The following FAM20A variants were observed in gnomAD, a reference collection of about 807,000 sequenced individuals.
FAM20A encodes the protein pseudokinase FAM20A.
In FAM20A, 42 loss-of-function variants were observed where a neutral mutation model predicts 52.0. That is an observed-to-expected ratio of 0.81 (90% CI 0.63 to 1.04). The LOEUF (loss-of-function observed/expected upper bound fraction) is 1.04. FAM20A is among the 50% of genes least tolerant of loss of function. FAM20A has a pLI of 0.00. For synonymous variants in FAM20A, 304 were observed against 298.9 expected (o/e 1.02, Z -0.18); for missense variants, 742 against 712.7 (o/e 1.04, Z -0.47).
At position 68,535,254 on chromosome 17, in the gene FAM20A, G is replaced by C. The variant is rs1365196751; in HGVS notation, c.*2223C>G. The C allele has an allele frequency of 2.2e-6, 1 of 452,884 alleles. No homozygotes were observed. Among genetic ancestry groups the C allele is most frequent in the Non-Finnish European group, 4.4e-6 (1 of 225,980 alleles). The allele number at this position is 452,884 out of a possible 1,614,324, so 28.1% of individuals were successfully genotyped here. On this transcript the variant is annotated 3_prime_UTR_variant, in exon 11 of 11. Transcript: ENST00000592554. ...TCTTAATTTTGTTACTAATCAAAAA[G>C]TAATGGAAGGTTGAAAGATAAGTGA...
chr17:68,564,050 C>T (rs1393083568), intron 1 of FAM20A, among the ~76,000 whole-genome samples: 1 of 152,166 alleles, frequency 6.6e-6, no homozygotes, highest in Non-Finnish European at 1.5e-5. Context: ...GATGCAGAGT[C>T]TGTGTCACAA....
chr17:68,600,855 G>A lies in FAM20A; in HGVS notation c.-189C>T, dbSNP rs2088605912. 3.4e-6 allele frequency: 2 copies of A among 586,512 alleles called. No individual in the cohort carries two copies. Among genetic ancestry groups the A allele is most frequent in the African/African-American group, 2.0e-5 (1 of 50,194 alleles). 36.3% of individuals were successfully genotyped at this position (586,512 alleles called of 1,614,324 possible). Reference sequence around the variant, plus strand: ...TCGCTCCTCAACTTGGGGACCAGGTGCACGGAGCACCGGGGCTCTCGGAGT... The same window carrying A: ...TCGCTCCTCAACTTGGGGACCAGGTACACGGAGCACCGGGGCTCTCGGAGT... On this transcript the variant is annotated 5_prime_UTR_variant, in exon 1 of 11. Coordinates refer to ENST00000592554, the MANE Select transcript of FAM20A (RefSeq NM_017565.4). This position sits in a 1 kb window ranked among gnomAD's most constrained non-coding sequence, Gnocchi z 6.2.
intron 1 of FAM20A, chr17:68,582,273 C>T (rs914790630): frequency 2.0e-5 from 3 of 152,218 alleles, no homozygotes; most frequent in African/African-American, 7.2e-5. Context: ...GGCAGAGTTT[C>T]CAAAATAAGT....
chr17:68,569,748 A>C (rs549277295), intron 1 of FAM20A, among the ~76,000 whole-genome samples: 1 of 152,232 alleles, frequency 6.6e-6, no homozygotes, highest in Non-Finnish European at 1.5e-5. Flanking sequence ...CCCAGCTACA[A>C]AGGCAATGAT....
chr17:68,542,138 C>T lies in FAM20A; in HGVS notation c.956G>A (p.Cys319Tyr). 1.2e-6 allele frequency: 2 copies of T among 1,614,034 alleles called. No homozygotes were observed. The highest frequency in any genetic ancestry group is 1.7e-6 in the Non-Finnish European group (2 of 1,180,024). The change falls in exon 7 of 11, where the codon TGT becomes TAT. Residue 319 changes from cysteine (C) to tyrosine (Y), a missense_variant. Transcript: ENST00000592554. ...ATACTCCGTCTTGCACATGTATGGA[C>T]ACTTGGCGAAGAAGCACACGTTGCT... The part of the protein sequence containing the change: ...PASNVCFFAK[C>Y]PYMCKTEYAV...
intron 5 of FAM20A, 107 bp downstream of exon 5, chr17:68,543,522 A>G (rs1272270017): frequency 2.1e-6 from 2 of 963,780 alleles, no homozygotes; most frequent in Non-Finnish European, 3.3e-6. Context: ...ATAGAAAGCC[A>G]GAAGGAAGAA....
In FAM20A at chr17:68,593,580, A is replaced by G. The variant is rs78357925; in HGVS notation, c.404+6683T>C. Among the ~76,000 whole-genome samples, 9 of 152,356 alleles carry G rather than the reference A, an allele frequency of 5.9e-5. No homozygotes were observed. In the East Asian group the frequency reaches 1.7e-3, roughly 29 times the overall value. On this transcript the variant is annotated intron_variant, in intron 1 of 10. Coordinates refer to ENST00000592554, the MANE Select transcript of FAM20A (RefSeq NM_017565.4). ...GCTCTAGACTTCTACAGGGAGGAGTAGACAAGTGGGATGATTTTACAGTTG... is the reference window on the plus strand; with the variant it reads ...GCTCTAGACTTCTACAGGGAGGAGTGGACAAGTGGGATGATTTTACAGTTG...
At chr17:68,575,155 C>T (rs1422411406) in intron 1 of FAM20A, 6 of 151,896 alleles carry the variant, frequency 4.0e-5, no homozygotes, top group African/African-American at 7.3e-5. Flanking sequence ...TTGCATACAT[C>T]TTGAGCTTGG....
chr17:68,544,865 C>T (rs1457952549), intron 4 of FAM20A, among the ~76,000 whole-genome samples: 1 of 152,170 alleles, frequency 6.6e-6, no homozygotes, highest in Non-Finnish European at 1.5e-5. Context: ...TCTTCTAAAA[C>T]ATTTTCTCAT....
intron 1 of FAM20A, among the ~76,000 whole-genome samples, chr17:68,575,372 C>G (rs1328436083): frequency 7.6e-6 from 1 of 131,860 alleles, no homozygotes; most frequent in African/African-American, 2.7e-5. Context: ...CACAGGTTCA[C>G]TTTACTTTAC....
intron 4 of FAM20A, among the ~76,000 whole-genome samples, chr17:68,550,444 G>A (rs887845313): frequency 3.6e-5 from 5 of 139,538 alleles, no homozygotes; most frequent in African/African-American, 5.3e-5. Context: ...GCAGTGGTGC[G>A]ATCTCAGCTC....
At chr17:68,580,448 T>C (rs2087910920) in intron 1 of FAM20A, among the ~76,000 whole-genome samples, 1 of 152,254 alleles carries the variant, frequency 6.6e-6, no homozygotes, top group Non-Finnish European at 1.5e-5. Flanking sequence ...GCTGGTTTTA[T>C]GCTATGTTGC....
At position 68,535,568 on chromosome 17, in the gene FAM20A, C is replaced by T. The variant is rs2086075071; in HGVS notation, c.*1909G>A. 2.2e-6 allele frequency: 1 copy of T among 453,806 alleles called. No individual in the cohort carries two copies. The highest frequency in any genetic ancestry group is 2.4e-5 in the Admixed American group (1 of 42,548). 28.1% of individuals were successfully genotyped at this position (453,806 alleles called of 1,614,324 possible). A position where few individuals can be genotyped will look rare whatever the true frequency, so the allele number is the denominator to read the frequency against. ...AAGAAACATCTTGAAGCAGGAGAGA[C>T]AGTGAATGAAGTGGGGAGCCCTATG... On this transcript the variant is annotated 3_prime_UTR_variant, in exon 11 of 11. Coordinates refer to ENST00000592554, the MANE Select transcript of FAM20A (RefSeq NM_017565.4).
At position 68,564,377 on chromosome 17, in the gene FAM20A, A is replaced by G. The variant is rs115257700; in HGVS notation, c.405-8634T>C. 5.0e-3 allele frequency among the ~76,000 whole-genome samples: 766 copies of G among 152,338 alleles called. 8 individuals are homozygous for G. Among genetic ancestry groups the G allele is most frequent in the African/African-American group, 0.017 (724 of 41,562 alleles). ...TTTTTAATCATGATTTTTACCACTT[A>G]TAAAGATGAGAGACCAGGTGGATGA... On this transcript the variant is annotated intron_variant, in intron 1 of 10. Coordinates refer to ENST00000592554, the MANE Select transcript of FAM20A (RefSeq NM_017565.4).
At chr17:68,597,507 C>T (rs775885689) in intron 1 of FAM20A, among the ~76,000 whole-genome samples, 11 of 152,062 alleles carry the variant, frequency 7.2e-5, no homozygotes, top group Admixed American at 3.3e-4. Flanking sequence ...GCCGCAGCCT[C>T]CTGAGTAGCT....
At chr17:68,549,371 A>G (rs1026163894) in intron 4 of FAM20A, among the ~76,000 whole-genome samples, 2 of 152,018 alleles carry the variant, frequency 1.3e-5, no homozygotes, top group African/African-American at 2.4e-5. Flanking sequence ...GTACACATCT[A>G]TAATCCCAGC....
At chr17:68,579,482 G>A (rs760465494) in intron 1 of FAM20A, among the ~76,000 whole-genome samples, 1 of 152,116 alleles carries the variant, frequency 6.6e-6, no homozygotes, top group Non-Finnish European at 1.5e-5. Context: ...AGTCCAAAGT[G>A]ATTGGACTTT....
intron 1 of FAM20A, among the ~76,000 whole-genome samples, chr17:68,583,644 C>T (rs575470108): frequency 4.6e-5 from 7 of 152,172 alleles, no homozygotes; most frequent in Non-Finnish European, 7.4e-5. Context: ...TGGCTGGTTG[C>T]GGTGGCTCAT....
chr17:68,538,021 A>G (rs556499260), intron 10 of FAM20A, among the ~76,000 whole-genome samples: 50 of 152,334 alleles, frequency 3.3e-4, no homozygotes, highest in African/African-American at 1.0e-3. Flanking sequence ...TTCTCTGACA[A>G]CGCTAAGGGA....
Sources: allele counts gnomAD v4.1 joint callset (sites outside exome capture counted in the v4.1 genomes callset), GRCh38; gene constraint gnomAD v4.1.1; non-coding constraint Gnocchi (gnomAD v3.1); transcripts MANE v1.5; gene names NCBI Gene and HGNC (gene_info 2026-07-23, HGNC 2026-07-21).